The following ZFR variants were observed in gnomAD, a reference collection of about 807,000 sequenced individuals.
ZFR encodes zinc finger RNA binding protein, also known as zinc finger RNA-binding protein.
In ZFR, 19 loss-of-function variants were observed where a neutral mutation model predicts 130.7. That is an observed-to-expected ratio of 0.15 (90% CI 0.10 to 0.21). The LOEUF (loss-of-function observed/expected upper bound fraction) is 0.21. ZFR is among the 10% of genes least tolerant of loss of function. ZFR has a pLI of 1.00. For synonymous variants in ZFR, 466 were observed against 456.9 expected (o/e 1.02, Z -0.25); for missense variants, 872 against 1,321.5 (o/e 0.66, Z 5.27).
chr5:32,366,053 GGATAA>G (rs1752540423), intron 17 of ZFR, among the ~76,000 whole-genome samples: 5 of 152,166 alleles, frequency 3.3e-5, no homozygotes, highest in Admixed American at 1.3e-4. Flanking sequence ...AGACCCTTGA[GGATAA>G]GGTCAGTGTT....
chr5:32,400,416 G>A (rs1448825815), intron 8 of ZFR, among the ~76,000 whole-genome samples: 1 of 151,966 alleles, frequency 6.6e-6, no homozygotes, highest in African/African-American at 2.4e-5. Context: ...TTTCCATCTT[G>A]GAACACCCAA....
intron 15 of ZFR, chr5:32,383,854 T>A (rs1752983282): frequency 2.2e-6 from 1 of 454,410 alleles, no homozygotes; most frequent in Non-Finnish European, 4.4e-6. Flanking sequence ...TATCAGTGTT[T>A]CTACACTTTG....
chr5:32,389,534 T>C (rs2963962), intron 12 of ZFR, among the ~76,000 whole-genome samples: 145,157 of 152,244 alleles, frequency 0.95, 69,264 homozygotes, highest in African/African-American at 0.98. Flanking sequence ...ATCAGTTGTT[T>C]CTGACAGGTA....
intron 13 of ZFR, 31 bp from the exon 14 acceptor site, chr5:32,387,730 T>G (rs962390528): frequency 6.3e-7 from 1 of 1,581,570 alleles, no homozygotes; most frequent in African/African-American, 1.4e-5. Flanking sequence ...ATTATGATAT[T>G]TCTCTGCTTA....
chr5:32,399,972 C>T, intron 9 of ZFR, 35 bp downstream of exon 9: 1 of 1,548,572 alleles, frequency 6.5e-7, no homozygotes, highest in Non-Finnish European at 8.7e-7. Flanking sequence ...TCCCTTTATC[C>T]AATTTCACAG....
At chr5:32,363,488 G>A (rs1752476492) in intron 19 of ZFR, among the ~76,000 whole-genome samples, 2 of 152,250 alleles carry the variant, frequency 1.3e-5, no homozygotes, top group South Asian at 4.2e-4. Context: ...AGATGAGATG[G>A]CAGAGTTGGT....
intron 17 of ZFR, among the ~76,000 whole-genome samples, chr5:32,377,799 C>T (rs1752856985): frequency 6.6e-6 from 1 of 152,162 alleles, no homozygotes; most frequent in Non-Finnish European, 1.5e-5. Flanking sequence ...TGATTCTCCT[C>T]TCCTGCCTCA....
intron 11 of ZFR, among the ~76,000 whole-genome samples, chr5:32,390,808 C>G (rs1360591488): frequency 6.6e-6 from 1 of 152,144 alleles, no homozygotes; most frequent in Non-Finnish European, 1.5e-5. Flanking sequence ...TCTTCATGTC[C>G]TCAAAGAAAC....
In ZFR at chr5:32,414,928, C is replaced by T. The variant is rs1449941385; in HGVS notation, c.784+41G>A. 3 of 1,544,698 alleles carry T rather than the reference C, an allele frequency of 1.9e-6. No homozygotes were observed. The South Asian group carries it at 3.5e-5, about 18-fold the overall frequency. On this transcript the variant is annotated intron_variant, in intron 5 of 19. Coordinates refer to ENST00000265069, the MANE Select transcript of ZFR (RefSeq NM_016107.5). ...AAGATAGTTTCTACTAAGTCTCTTC[C>T]TAATTTGTTTACTCATTTAAACACA...
At chr5:32,438,974 A>G (rs1261424227) in intron 2 of ZFR, among the ~76,000 whole-genome samples, 1 of 152,184 alleles carries the variant, frequency 6.6e-6, no homozygotes, top group African/African-American at 2.4e-5. Flanking sequence ...CAAACTCTAT[A>G]TAGTTCCAAA....
chr5:32,441,037 G>C (rs951085086), intron 2 of ZFR, among the ~76,000 whole-genome samples: 1 of 152,130 alleles, frequency 6.6e-6, no homozygotes, highest in African/African-American at 2.4e-5. Context: ...GTAATCGCGC[G>C]ATCTTGGCTC....
At position 32,385,532 on chromosome 5, in the gene ZFR, G is replaced by T. The variant is rs1462718472; in HGVS notation, c.2617C>A (p.Arg873=). 8.1e-6 allele frequency: 13 copies of T among 1,613,194 alleles called. No individual in the cohort carries two copies. The highest frequency in any genetic ancestry group is 1.1e-5 in the Non-Finnish European group (13 of 1,179,392). The change falls in exon 15 of 20, where the codon CGA becomes AGA. Residue 873 remains arginine, a synonymous_variant. Coordinates refer to ENST00000265069, the MANE Select transcript of ZFR (RefSeq NM_016107.5). ...CCTCCTTCCCTCATGTTCTCTTCTC[G>T]AATAATTGGAGATGTCAGTGTGATA... ...VTITLTSPII[R]EENMREGDVT... is the part of the protein sequence containing the mutation.
chr5:32,401,545 T>C (rs1362449057), intron 8 of ZFR, among the ~76,000 whole-genome samples: 4 of 152,096 alleles, frequency 2.6e-5, no homozygotes, highest in Admixed American at 6.5e-5. Context: ...AAAAAGGCTA[T>C]GGTAAACTCA....
chr5:32,377,180 AGTG>A (rs1294703356), intron 17 of ZFR, among the ~76,000 whole-genome samples: 1 of 150,524 alleles, frequency 6.6e-6, no homozygotes, highest in Non-Finnish European at 1.5e-5. Context: ...AAAAAAAAAA[AGTG>A]GTAACTTTCC....
chr5:32,425,665 T>A (rs1477969226), intron 2 of ZFR, among the ~76,000 whole-genome samples: 1 of 152,130 alleles, frequency 6.6e-6, no homozygotes, highest in Non-Finnish European at 1.5e-5. Context: ...GTAGCTGGGA[T>A]TACAGGCAGC....
rs759971005 is a variant in ZFR at position 32,444,237 on chromosome 5, GGCCGCA to G, written c.123_128del (p.Ala42_Ala43del). Reference sequence around the variant, plus strand: ...AGGCAGGATGCCGTTACCTATATTGGGCCGCAGCCGCCGCCGCCGCCGCCCCGCTGT... The same window carrying G: ...AGGCAGGATGCCGTTACCTATATTGGGCCGCCGCCGCCGCCGCCCCGCTGT... On this transcript the variant is annotated inframe_deletion, in exon 2 of 20. Transcript: ENST00000265069. 4 of 1,588,698 alleles carry G rather than the reference GGCCGCA, an allele frequency of 2.5e-6. No homozygotes were observed. Among genetic ancestry groups the G allele is most frequent in the South Asian group, 2.3e-5 (2 of 87,334 alleles).
At chr5:32,406,706 A>G in intron 6 of ZFR, 68 bp downstream of exon 6, 1 of 1,533,076 alleles carries the variant, frequency 6.5e-7, no homozygotes, top group East Asian at 2.3e-5. Flanking sequence ...TAGTAGGCTC[A>G]GGAGTTAGAA....
chr5:32,391,663 A>C (rs1252237728), intron 11 of ZFR, among the ~76,000 whole-genome samples: 1 of 152,038 alleles, frequency 6.6e-6, no homozygotes, highest in Non-Finnish European at 1.5e-5. Context: ...AATTAGGTTA[A>C]GGTTTTACTA....
intron 19 of ZFR, among the ~76,000 whole-genome samples, chr5:32,360,499 G>C (rs1752408804): frequency 1.3e-5 from 2 of 152,142 alleles, no homozygotes; most frequent in East Asian, 3.8e-4. Context: ...GCATGTGTCA[G>C]TACTTTCTTT....
Sources: allele counts gnomAD v4.1 joint callset (sites outside exome capture counted in the v4.1 genomes callset), GRCh38; gene constraint gnomAD v4.1.1; transcripts MANE v1.5; gene names NCBI Gene and HGNC (gene_info 2026-07-23, HGNC 2026-07-21).